Variants in NPAT observed in about 807,000 individuals in gnomAD.
NPAT encodes protein NPAT.
A neutral mutation model predicts 130.7 loss-of-function variants in NPAT; 52 were observed. The observed-to-expected ratio is 0.40, with a 90% confidence interval of 0.32 to 0.50. NPAT has a LOEUF of 0.50. Ranked by LOEUF, NPAT falls within the 20% of genes least tolerant of loss-of-function variation. NPAT has a pLI of 0.68. For missense variants in NPAT, 1,687 were observed against 1,662.6 expected, an observed-to-expected ratio of 1.01 and a Z score of -0.26; for synonymous variants, 580 against 584.8, an observed-to-expected ratio of 0.99 and a Z score of 0.12.
chr11:108,177,918 G>A (rs1420071427), intron 10 of NPAT, among the ~76,000 whole-genome samples: 1 of 151,938 alleles, frequency 6.6e-6, no homozygotes, highest in African/African-American at 2.4e-5. Context: ...ATGGGGTTTT[G>A]CCATGTTGCC....
chr11:108,165,362 A>C (rs1244243805), intron 15 of NPAT, among the ~76,000 whole-genome samples: 1 of 149,900 alleles, frequency 6.7e-6, no homozygotes, highest in East Asian at 2.0e-4. Flanking sequence ...CTCCTGCCTC[A>C]GCCTCCCAAG....
chr11:108,176,549 G>C (rs1345114627), intron 11 of NPAT, among the ~76,000 whole-genome samples, 175 bp from the exon 12 acceptor site: 1 of 152,150 alleles, frequency 6.6e-6, no homozygotes, highest in Non-Finnish European at 1.5e-5. Flanking sequence ...CCACTAGACA[G>C]GTGTTTCTTA....
intron 1 of NPAT, among the ~76,000 whole-genome samples, chr11:108,203,724 AAC>A (rs1363032651): frequency 1.3e-5 from 2 of 152,074 alleles, no homozygotes; most frequent in Non-Finnish European, 2.9e-5. Flanking sequence ...TACTCCCCTA[AAC>A]AGTTATTTTT....
chr11:108,184,957 C>T (rs1304159257), intron 10 of NPAT, among the ~76,000 whole-genome samples: 2 of 152,288 alleles, frequency 1.3e-5, no homozygotes, highest in South Asian at 2.1e-4. Context: ...AATATACCCA[C>T]TAATAAATGT....
At chr11:108,185,596 T>C in intron 8 of NPAT, 102 bp from the exon 9 acceptor site, 1 of 795,380 alleles carries the variant, frequency 1.3e-6, no homozygotes, top group Non-Finnish European at 2.1e-6. Flanking sequence ...ATAGTTTTAA[T>C]AAACCTAAAT....
At chr11:108,176,633 A>T (rs1282347175) in intron 11 of NPAT, among the ~76,000 whole-genome samples, 1 of 152,224 alleles carries the variant, frequency 6.6e-6, no homozygotes, top group African/African-American at 2.4e-5. Context: ...GGGGGACTAT[A>T]CTTTGAGAAC....
chr11:108,221,910 G>A (rs4987876), intron 1 of NPAT, among the ~76,000 whole-genome samples: 4 of 152,070 alleles, frequency 2.6e-5, no homozygotes, highest in African/African-American at 4.8e-5. Flanking sequence ...GAAATTTTTC[G>A]CTGATCAAAG....
intron 15 of NPAT, among the ~76,000 whole-genome samples, chr11:108,167,510 G>A (rs1299546415): frequency 1.3e-5 from 2 of 152,174 alleles, no homozygotes; most frequent in Non-Finnish European, 2.9e-5. Context: ...ACCATGCCCA[G>A]CTCCATTTTC....
chr11:108,201,888 G>A (rs777300831), intron 1 of NPAT, among the ~76,000 whole-genome samples: 38 of 152,286 alleles, frequency 2.5e-4, no homozygotes, highest in Non-Finnish European at 3.8e-4. Context: ...AAACCTATGC[G>A]GTCAGAGAGG....
Position 108,177,127 on chromosome 11 carries a change from C to T in NPAT, c.907-37G>A, listed in dbSNP as rs368576795. 5.5e-6 allele frequency: 6 copies of T among 1,091,190 alleles called. No individual in the cohort carries two copies. The African/African-American group carries it at 9.4e-5, about 17-fold the overall frequency. The allele number at this position is 1,091,190 out of a possible 1,614,324, so 67.6% of individuals were successfully genotyped here. A position where few individuals can be genotyped will look rare whatever the true frequency, so the allele number is the denominator to read the frequency against. On this transcript the variant is annotated intron_variant, in intron 10 of 17. Coordinates refer to ENST00000278612, the MANE Select transcript of NPAT (RefSeq NM_002519.3). Reference sequence around the variant, plus strand: ...GAGTGGCGTGAAGGCATGATTCTAACTGAATTTATATATATTTACATATTA... The same window carrying T: ...GAGTGGCGTGAAGGCATGATTCTAATTGAATTTATATATATTTACATATTA...
At chr11:108,210,059 AT>A (rs1195078182) in intron 1 of NPAT, among the ~76,000 whole-genome samples, 1 of 151,638 alleles carries the variant, frequency 6.6e-6, no homozygotes, top group Non-Finnish European at 1.5e-5. Flanking sequence ...AATGTTGACA[AT>A]TCTGTAGCTA....
At chr11:108,164,133 T>C (rs1206070306) in intron 15 of NPAT, among the ~76,000 whole-genome samples, 2 of 152,172 alleles carry the variant, frequency 1.3e-5, no homozygotes, top group Non-Finnish European at 2.9e-5. Flanking sequence ...TTAATACTGG[T>C]AAGATGGAAA....
chr11:108,201,317 G>T (rs1214323159), intron 1 of NPAT, among the ~76,000 whole-genome samples: 1 of 152,178 alleles, frequency 6.6e-6, no homozygotes, highest in Non-Finnish European at 1.5e-5. Flanking sequence ...GGATACCTGG[G>T]TATGGTGAAA....
At chr11:108,189,592 C>T (rs915533489) in intron 5 of NPAT, among the ~76,000 whole-genome samples, 2 of 152,098 alleles carry the variant, frequency 1.3e-5, no homozygotes, top group Admixed American at 6.5e-5. Context: ...TGAACTTGGC[C>T]GGGCGCGGTG....
intron 1 of NPAT, among the ~76,000 whole-genome samples, chr11:108,210,079 GAAAA>G (rs931523489): frequency 7.1e-6 from 1 of 140,488 alleles, no homozygotes; most frequent in African/African-American, 2.6e-5. Context: ...TAGACCAACC[GAAAA>G]AAAAAAGAGA....
intron 1 of NPAT, among the ~76,000 whole-genome samples, chr11:108,212,299 CG>C (rs1325768235): frequency 6.6e-6 from 1 of 152,000 alleles, no homozygotes; most frequent in African/African-American, 2.4e-5. Flanking sequence ...CCGAGCTGGG[CG>C]GATCATTTGA....
chr11:108,160,083 G>T (rs774191053), intron 17 of NPAT, among the ~76,000 whole-genome samples: 8 of 151,068 alleles, frequency 5.3e-5, no homozygotes, highest in Non-Finnish European at 8.8e-5. Flanking sequence ...TCAGGAGGCG[G>T]AAGTTGCAGT....
rs773712159 is a variant in NPAT at position 108,222,571 on chromosome 11, A to C, written c.-35T>G. Reference sequence around the variant, plus strand: ...CACAGCAGGAACCACAATAAGGAACAAGACTCAGGTTAAAGCAAACACAGC... The same window carrying C: ...CACAGCAGGAACCACAATAAGGAACCAGACTCAGGTTAAAGCAAACACAGC... On this transcript the variant is annotated 5_prime_UTR_variant, in exon 1 of 18. Transcript: ENST00000278612. 1 of 1,612,982 alleles carries C rather than the reference A, an allele frequency of 6.2e-7. No homozygotes were observed. Among genetic ancestry groups the C allele is most frequent in the Non-Finnish European group, 8.5e-7 (1 of 1,179,296 alleles).
intron 1 of NPAT, among the ~76,000 whole-genome samples, chr11:108,203,346 G>A (rs1468414239): frequency 1.3e-5 from 2 of 152,148 alleles, no homozygotes; most frequent in Non-Finnish European, 1.5e-5. Context: ...AGGGGACATA[G>A]TACTGGGTAA....
Sources: allele counts gnomAD v4.1 joint callset (sites outside exome capture counted in the v4.1 genomes callset), GRCh38; gene constraint gnomAD v4.1.1; transcripts MANE v1.5; gene names NCBI Gene and HGNC (gene_info 2026-07-23, HGNC 2026-07-21).